The following MERTK variants were observed in gnomAD, a reference collection of about 807,000 sequenced individuals.
MERTK encodes MER proto-oncogene, tyrosine kinase, also known as tyrosine-protein kinase Mer.
A neutral mutation model predicts 99.3 loss-of-function variants in MERTK; 69 were observed. That is an observed-to-expected ratio of 0.70 (90% confidence interval 0.57 to 0.85). The LOEUF is 0.85. Among genes scored for constraint, MERTK ranks in the 40% least tolerant of loss-of-function variants. The pLI, the probability that MERTK is intolerant of heterozygous loss-of-function variation, is 0.00. For synonymous variants in MERTK, 426 were observed against 467.6 expected (o/e 0.91, Z 1.15); for missense variants, 1,125 against 1,249.4 (o/e 0.90, Z 1.50).
intron 1 of MERTK, among the ~76,000 whole-genome samples, chr2:111,902,808 C>CCCTCCCTCTCTCCCTCCCTCCCTCTCTT (rs1553443592): frequency 8.3e-5 from 12 of 143,940 alleles, no homozygotes; most frequent in Admixed American, 7.8e-4. Context: ...CTCCCTCCCT[C>CCCTCCCTCTCTCCCTCCCTCCCTCTCTT]TATTTCTTTA....
intron 2 of MERTK, among the ~76,000 whole-genome samples, chr2:111,944,517 T>A: frequency 6.6e-6 from 1 of 152,310 alleles, no homozygotes; most frequent in Admixed American, 6.5e-5. Context: ...AAATAATTCC[T>A]CTGTTTTAAG....
chr2:111,929,511 T>A lies in MERTK; in HGVS notation c.453T>A (p.Asp151Glu). 1 of 1,613,798 alleles carries A rather than the reference T, an allele frequency of 6.2e-7. No individual in the cohort carries two copies. The highest frequency in any genetic ancestry group is 1.1e-5 in the South Asian group (1 of 90,992). Reference sequence around the variant, plus strand: ...CAATTACACAGTTTTATCCAGATGATGAAGTTACAGCAATAATCGCTTCCT... The same window carrying A: ...CAATTACACAGTTTTATCCAGATGAAGAAGTTACAGCAATAATCGCTTCCT... ...HHAITQFYPD[D>E]EVTAIIASFS... Residue 151 changes from aspartate to glutamate, a missense_variant, in exon 2 of 19, where the codon GAT (aspartate) becomes GAA (glutamate). Asp to Glu is a conservative substitution (Grantham distance 45). Transcript: ENST00000295408.
Position 112,025,961 on chromosome 2 carries a change from C to A in MERTK, c.2487-2390C>A, listed in dbSNP as rs887984134. On this transcript the variant is annotated intron_variant, in intron 18 of 18. Transcript: ENST00000295408. ...ACCCATTAAACTAATCCCATTCTCT[C>A]CTCAATACAGCCCATGGCAACCTAT... Among the ~76,000 whole-genome samples, 5 of 152,330 alleles carry A rather than the reference C, an allele frequency of 3.3e-5. No homozygotes were observed. The East Asian group carries it at 7.7e-4, about 23-fold the overall frequency.
At chr2:111,933,015 C>A (rs1016253366) in intron 2 of MERTK, among the ~76,000 whole-genome samples, 1 of 152,134 alleles carries the variant, frequency 6.6e-6, no homozygotes. Context: ...TAGATTTAGG[C>A]GGTTTTTAAT....
rs947657821 is a variant in MERTK at position 112,009,996 on chromosome 2, T to A, written c.2009T>A (p.Ile670Asn). The A allele has an allele frequency of 1.9e-6, 3 of 1,614,020 alleles. No homozygotes were observed. Among genetic ancestry groups the A allele is most frequent in the Non-Finnish European group, 2.5e-6 (3 of 1,179,888 alleles). ...SSQGIPKPMV[I>N]LPFMKYGDLH... Reference sequence around the variant, plus strand: ...CAAGGCATCCCAAAGCCCATGGTAATTTTACCCTTCATGAAATACGGGGAC... The same window carrying A: ...CAAGGCATCCCAAAGCCCATGGTAAATTTACCCTTCATGAAATACGGGGAC... The change falls in exon 15 of 19, where the codon ATT becomes AAT. Residue 670 changes from isoleucine (I) to asparagine (N), a missense_variant. Physicochemically the swap from Ile to Asn is moderately radical, Grantham distance 149. Transcript: ENST00000295408.
chr2:111,994,369 T>G lies in MERTK; in HGVS notation c.1415T>G (p.Phe472Cys), dbSNP rs1676692225. Residue 472 changes from phenylalanine to cysteine, a missense_variant, in exon 9 of 19, where the codon TTC becomes TGC. By Grantham distance (205) the Phe-to-Cys change is radical. Transcript: ENST00000295408. The stretch of plus-strand genomic sequence containing the variant: ...GTCACCAGAGGGGGAGTTGGGCCCT[T>G]CAGTGATCCAGTGAAAATATTTATC... ...AAVTRGGVGP[F>C]SDPVKIFIPA... 6.2e-7 allele frequency: 1 copy of G among 1,614,062 alleles called. No homozygotes were observed. The highest frequency in any genetic ancestry group is 1.7e-5 in the Admixed American group (1 of 60,000).
At chr2:111,984,484 C>T (rs895175686) in intron 8 of MERTK, among the ~76,000 whole-genome samples, 2 of 152,110 alleles carry the variant, frequency 1.3e-5, no homozygotes, top group African/African-American at 4.8e-5. Flanking sequence ...GAAGGCACAA[C>T]GTGGCAGCTT....
At chr2:111,946,403 G>T (rs576770750) in intron 3 of MERTK, among the ~76,000 whole-genome samples, 1 of 152,262 alleles carries the variant, frequency 6.6e-6, no homozygotes, top group African/African-American at 2.4e-5. Context: ...GCTGGAACCA[G>T]ATCTGTGAGT....
chr2:111,916,591 T>A (rs965766960), intron 1 of MERTK, among the ~76,000 whole-genome samples: 3 of 152,212 alleles, frequency 2.0e-5, no homozygotes, highest in African/African-American at 7.2e-5. Flanking sequence ...ACTGAGACTT[T>A]GTATTTCTTT....
At chr2:111,983,137 T>C in intron 8 of MERTK, 144 bp downstream of exon 8, 1 of 898,572 alleles carries the variant, frequency 1.1e-6, no homozygotes, top group Non-Finnish European at 1.7e-6. Flanking sequence ...ACATAAAGAA[T>C]ATAGTAAATA....
Position 111,997,425 on chromosome 2 carries a change from T to C in MERTK, c.1553T>C (p.Ile518Thr), listed in dbSNP as rs1258152779. The C allele has an allele frequency of 1.2e-6, 2 of 1,613,988 alleles. No homozygotes were observed. Among genetic ancestry groups the C allele is most frequent in the Admixed American group, 1.7e-5 (1 of 60,012 alleles). The part of the protein sequence containing the change: ...CFCGFILIGL[I>T]LYISLAIRKR... Reference sequence around the variant, plus strand: ...TGTGGATTTATTTTGATTGGGTTGATTTTATACATCTCCTTGGCCATCAGA... The same window carrying C: ...TGTGGATTTATTTTGATTGGGTTGACTTTATACATCTCCTTGGCCATCAGA... Residue 518 changes from isoleucine to threonine, a missense_variant, in exon 10 of 19, where the codon ATT becomes ACT. Transcript: ENST00000295408.
At chr2:111,987,897 C>T (rs1001627532) in intron 8 of MERTK, among the ~76,000 whole-genome samples, 1 of 151,832 alleles carries the variant, frequency 6.6e-6, no homozygotes, top group African/African-American at 2.4e-5. Context: ...TGCTCTAATG[C>T]TAGTTTACTC....
Position 112,029,404 on chromosome 2 carries a change from G to C in MERTK, c.*540G>C. ...ACTTACTTGAGACTTGAAAGACAGT[G>C]GTCGGCAGCGGCCTTGTGGCCTTTG... On this transcript the variant is annotated 3_prime_UTR_variant, in exon 19 of 19. Transcript: ENST00000295408. 25 of 892,142 alleles carry C rather than the reference G, an allele frequency of 2.8e-5. No homozygotes were observed. The South Asian group carries it at 3.1e-4, about 11-fold the overall frequency. The allele number at this position is 892,142 out of a possible 1,614,324, so 55.3% of individuals were successfully genotyped here.
chr2:111,958,715 T>C (rs191866323), intron 4 of MERTK, among the ~76,000 whole-genome samples: 2 of 152,298 alleles, frequency 1.3e-5, no homozygotes, highest in African/African-American at 4.8e-5. Context: ...GACTGTCCAT[T>C]TGACCTGAAG....
At chr2:111,981,138 G>A (rs1166614948) in intron 7 of MERTK, among the ~76,000 whole-genome samples, 1 of 152,094 alleles carries the variant, frequency 6.6e-6, no homozygotes, top group Non-Finnish European at 1.5e-5. Flanking sequence ...GGAATCAGCA[G>A]AGAAAAAGAG....
At chr2:111,926,274 A>G (rs1684566100) in intron 1 of MERTK, among the ~76,000 whole-genome samples, 1 of 152,140 alleles carries the variant, frequency 6.6e-6, no homozygotes, top group Admixed American at 6.5e-5. Flanking sequence ...CCCACTTCCC[A>G]TTTTTGCCTT....
intron 14 of MERTK, 116 bp downstream of exon 14, chr2:112,008,591 CT>C: frequency 1.2e-6 from 1 of 816,996 alleles, no homozygotes; most frequent in Non-Finnish European, 2.2e-6. Context: ...CCCAACATAA[CT>C]TATAACATTG....
intron 2 of MERTK, 55 bp downstream of exon 2, chr2:111,929,595 T>TTTATTTATTTATTTATTTATTTACTTAC (rs1219656385): frequency 1.6e-6 from 2 of 1,275,304 alleles, no homozygotes; most frequent in African/African-American, 3.0e-5. Flanking sequence ...TATTTATTTA[T>TTTATTTATTTATTTATTTATTTACTTAC]TTACTTATTG....
rs571163398 is a variant in MERTK at position 111,929,553 on chromosome 2, T to C, written c.482+13T>C. 5.6e-5 allele frequency: 87 copies of C among 1,558,424 alleles called. 1 individual carries two copies. In the South Asian group the frequency reaches 1.1e-3, roughly 19 times the overall value. On this transcript the variant is annotated intron_variant, in intron 2 of 18. Transcript: ENST00000295408. ...TCGCTTCCTTCAGGTATGTGTTCTT[T>C]CTTCCTTTTTTATTTTTTTAGTTTT...
Sources: allele counts gnomAD v4.1 joint callset (sites outside exome capture counted in the v4.1 genomes callset), GRCh38; gene constraint gnomAD v4.1.1; transcripts MANE v1.5; gene names NCBI Gene and HGNC (gene_info 2026-07-23, HGNC 2026-07-21).